The following ITPR2 variants were observed in gnomAD, a reference collection of about 807,000 sequenced individuals.
The protein encoded by ITPR2 is inositol 1,4,5-trisphosphate receptor type 2, also known as inositol 1,4,5-trisphosphate-gated calcium channel ITPR2.
In ITPR2, 207 loss-of-function variants were observed where a neutral mutation model predicts 317.1. The ratio of observed to expected loss-of-function variants is 0.65; its 90% CI spans 0.58 to 0.73. The LOEUF (loss-of-function observed/expected upper bound fraction) is 0.73. Ranked by LOEUF, ITPR2 falls within the 30% of genes least tolerant of loss-of-function variation. ITPR2 has a pLI of 0.00. For missense variants in ITPR2, 2,613 were observed against 3,284.0 expected (o/e 0.80, Z 4.99); for synonymous variants, 1,156 against 1,149.1 (o/e 1.01, Z -0.12).
chr12:26,448,370 G>T (rs973667283), intron 45 of ITPR2, among the ~76,000 whole-genome samples: 5 of 137,270 alleles, frequency 3.6e-5, no homozygotes, highest in African/African-American at 1.6e-4. Flanking sequence ...GAAATGCCAT[G>T]GGGGGGAAAT....
At chr12:26,453,066 C>T (rs1017938743) in intron 45 of ITPR2, among the ~76,000 whole-genome samples, 4 of 152,234 alleles carry the variant, frequency 2.6e-5, no homozygotes, top group African/African-American at 9.6e-5. Flanking sequence ...TTTTTCCCTA[C>T]AATTATTTAA....
intron 7 of ITPR2, 105 bp from the exon 8 acceptor site, chr12:26,715,550 A>G: frequency 9.5e-7 from 1 of 1,056,604 alleles, no homozygotes; most frequent in Non-Finnish European, 1.4e-6. Context: ...TGACTTTTAA[A>G]GCTTATTTAA....
intron 37 of ITPR2, among the ~76,000 whole-genome samples, chr12:26,539,823 A>G (rs1944207298): frequency 6.6e-6 from 1 of 152,216 alleles, no homozygotes; most frequent in African/African-American, 2.4e-5. Flanking sequence ...TACCTGGGTA[A>G]CAGAGATATG....
At chr12:26,775,404 C>G (rs1384316104) in intron 2 of ITPR2, among the ~76,000 whole-genome samples, 1 of 152,134 alleles carries the variant, frequency 6.6e-6, no homozygotes, top group East Asian at 1.9e-4. Flanking sequence ...GTAACAGGTT[C>G]TCCACTTGAT....
chr12:26,471,002 AG>A (rs1166091921), intron 45 of ITPR2, among the ~76,000 whole-genome samples: 3 of 152,202 alleles, frequency 2.0e-5, no homozygotes, highest in African/African-American at 7.2e-5. Flanking sequence ...AAGACCATTT[AG>A]TGATATGGGA....
intron 45 of ITPR2, among the ~76,000 whole-genome samples, chr12:26,466,929 C>T (rs995229103): frequency 6.6e-6 from 1 of 152,138 alleles, no homozygotes; most frequent in Non-Finnish European, 1.5e-5. Flanking sequence ...GGTAATTGTA[C>T]GTTACTTAAA....
chr12:26,478,767 T>A (rs1257518508), intron 43 of ITPR2, among the ~76,000 whole-genome samples: 2 of 151,960 alleles, frequency 1.3e-5, no homozygotes, highest in Non-Finnish European at 2.9e-5. Flanking sequence ...AAAACAAATC[T>A]TTACCTATTT....
rs535598972 is a variant in ITPR2, at chr12:26,628,077, G to C, written c.3020C>G (p.Ala1007Gly). ...TGGAGATCCACTGGCAGATGTCTCCGCATTGTCATTGTCCTCTCCAAACTC... is the reference window on the plus strand; with the variant it reads ...TGGAGATCCACTGGCAGATGTCTCCCCATTGTCATTGTCCTCTCCAAACTC... ...KKEFGEDNDN[A>G]ETSASGSPDT... Residue 1007 changes from alanine to glycine, a missense_variant, in exon 23 of 57, where the codon GCG becomes GGG. Coordinates refer to ENST00000381340, the MANE Select transcript of ITPR2 (RefSeq NM_002223.4). The C allele has an allele frequency of 1.9e-6, 3 of 1,612,958 alleles. No individual in the cohort carries two copies. The highest frequency in any genetic ancestry group is 2.5e-6 in the Non-Finnish European group (3 of 1,179,176).
chr12:26,394,102 T>G (rs1427701150), intron 54 of ITPR2, among the ~76,000 whole-genome samples: 1 of 152,178 alleles, frequency 6.6e-6, no homozygotes, highest in African/African-American at 2.4e-5. Flanking sequence ...TGCTAGAGAT[T>G]TTGATATACA....
chr12:26,792,320 T>A (rs538123781), intron 1 of ITPR2, among the ~76,000 whole-genome samples: 3 of 151,502 alleles, frequency 2.0e-5, no homozygotes, highest in Admixed American at 6.6e-5. Context: ...AAGCAAGGAG[T>A]CTGAATCTGT....
At position 26,643,587 on chromosome 12, in the gene ITPR2, T is replaced by C. The variant is rs114626884; in HGVS notation, c.2740+10389A>G. Among the ~76,000 whole-genome samples, 965 of 152,268 alleles carry C rather than the reference T, an allele frequency of 6.3e-3. 8 individuals are homozygous for C. Among genetic ancestry groups the C allele is most frequent in the African/African-American group, 0.021 (884 of 41,558 alleles). ...AACAGAACATTGGTAGAAATATGGA[T>C]GGTAAAGGTCATTCAGAGGAGGTAT... On this transcript the variant is annotated intron_variant, in intron 21 of 56. Transcript: ENST00000381340.
rs74544648 is a variant in ITPR2 at position 26,702,848 on chromosome 12, C to T, written c.952-7198G>A. On this transcript the variant is annotated intron_variant, in intron 9 of 56. Coordinates refer to ENST00000381340, the MANE Select transcript of ITPR2 (RefSeq NM_002223.4). Reference sequence around the variant, plus strand: ...CTATCTTGCAGGATAAAACTTAAACCGTGTTAAATCTTGTATCATTATCCT... The same window carrying T: ...CTATCTTGCAGGATAAAACTTAAACTGTGTTAAATCTTGTATCATTATCCT... Among the ~76,000 whole-genome samples, 71 of 152,186 alleles carry T rather than the reference C, an allele frequency of 4.7e-4. No individual in the cohort carries two copies. In the East Asian group the frequency reaches 0.013, roughly 28 times the overall value.
intron 45 of ITPR2, among the ~76,000 whole-genome samples, chr12:26,468,683 G>GT (rs1942230714): frequency 6.6e-6 from 1 of 151,766 alleles, no homozygotes; most frequent in African/African-American, 2.4e-5. Flanking sequence ...TCTTTATTCA[G>GT]TTTTTTAAAT....
At chr12:26,475,180 A>T in intron 45 of ITPR2, 116 bp downstream of exon 45, 1 of 1,177,168 alleles carries the variant, frequency 8.5e-7, no homozygotes, top group Non-Finnish European at 1.2e-6. Flanking sequence ...GCCCAAACCT[A>T]GGATGGTAAG....
At chr12:26,534,934 GT>G (rs954677221) in intron 37 of ITPR2, among the ~76,000 whole-genome samples, 1 of 152,120 alleles carries the variant, frequency 6.6e-6, no homozygotes, top group Non-Finnish European at 1.5e-5. Context: ...GTTAAAAATT[GT>G]TTTATTAAGA....
intron 2 of ITPR2, among the ~76,000 whole-genome samples, chr12:26,766,063 G>A (rs1425959118): frequency 1.3e-5 from 2 of 152,138 alleles, no homozygotes; most frequent in Admixed American, 1.3e-4. Context: ...CATTTGGGTT[G>A]TTTCCACTTC....
At chr12:26,606,230 C>T (rs1007947358) in intron 26 of ITPR2, among the ~76,000 whole-genome samples, 3 of 151,832 alleles carry the variant, frequency 2.0e-5, no homozygotes, top group Middle Eastern at 3.4e-3. Flanking sequence ...GTAAAAGGCT[C>T]GTAGCACATC....
intron 1 of ITPR2, among the ~76,000 whole-genome samples, chr12:26,801,867 C>T (rs1592143815): frequency 7.0e-6 from 1 of 142,808 alleles, no homozygotes; most frequent in Non-Finnish European, 1.5e-5. Context: ...AAGGATTTAA[C>T]AAAATAAAAA....
In ITPR2 at chr12:26,535,608, A is replaced by T. The variant is rs1226681216; in HGVS notation, c.5073+14639T>A. ...GACTAAATCAGTCAAGTACTTGGGGAAGTTGAGCTTAGATGTCTTCCTTGG... is the reference window on the plus strand; with the variant it reads ...GACTAAATCAGTCAAGTACTTGGGGTAGTTGAGCTTAGATGTCTTCCTTGG... On this transcript the variant is annotated intron_variant, in intron 37 of 56. Transcript: ENST00000381340. 2.6e-5 allele frequency among the ~76,000 whole-genome samples: 4 copies of T among 152,336 alleles called. No individual in the cohort carries two copies. In the East Asian group the frequency reaches 7.7e-4, roughly 29 times the overall value.
Sources: allele counts gnomAD v4.1 joint callset (sites outside exome capture counted in the v4.1 genomes callset), GRCh38; gene constraint gnomAD v4.1.1; transcripts MANE v1.5; gene names NCBI Gene and HGNC (gene_info 2026-07-23, HGNC 2026-07-21).